Variants in RASGEF1C observed in about 807,000 individuals in gnomAD.
The protein encoded by RASGEF1C is ras-GEF domain-containing family member 1C.
A neutral mutation model predicts 58.1 loss-of-function variants in RASGEF1C; 27 were observed. The observed-to-expected ratio is 0.46, with a 90% CI of 0.34 to 0.64. The LOEUF (loss-of-function observed/expected upper bound fraction) is 0.64. Ranked by LOEUF, RASGEF1C falls within the 30% of genes least tolerant of loss-of-function variation. RASGEF1C has a pLI of 0.01. For missense variants in RASGEF1C, 502 were observed against 605.1 expected, an observed-to-expected ratio of 0.83 and a Z score of 1.79; for synonymous variants, 243 against 246.3, an observed-to-expected ratio of 0.99 and a Z score of 0.13.
At chr5:180,195,620 G>A (rs564685566) in intron 1 of RASGEF1C, among the ~76,000 whole-genome samples, 1 of 152,120 alleles carries the variant, frequency 6.6e-6, no homozygotes, top group African/African-American at 2.4e-5. Context: ...AAATTAGCTG[G>A]GCGCGGTGGC....
At chr5:180,126,320 C>T (rs566284681) in intron 6 of RASGEF1C, among the ~76,000 whole-genome samples, 33 of 152,066 alleles carry the variant, frequency 2.2e-4, no homozygotes, top group African/African-American at 4.3e-4. Flanking sequence ...GGCAGGAGAA[C>T]GGTGTGAACC....
At chr5:180,170,520 G>T (rs186627995) in intron 1 of RASGEF1C, among the ~76,000 whole-genome samples, 1 of 152,152 alleles carries the variant, frequency 6.6e-6, no homozygotes, top group African/African-American at 2.4e-5. Flanking sequence ...TCCAGCCCCC[G>T]CGCTACGCAG....
At chr5:180,111,013 A>G (rs1754368307) in intron 12 of RASGEF1C, among the ~76,000 whole-genome samples, 1 of 152,010 alleles carries the variant, frequency 6.6e-6, no homozygotes, top group South Asian at 2.1e-4. Context: ...ACGGGGTTTC[A>G]ACATGTTGGT....
chr5:180,149,696 C>T (rs1423207002), intron 1 of RASGEF1C, among the ~76,000 whole-genome samples: 1 of 152,014 alleles, frequency 6.6e-6, no homozygotes, highest in Non-Finnish European at 1.5e-5. Flanking sequence ...CCTCTCGATC[C>T]ACCCGCCTCG....
At chr5:180,108,862 C>T (rs1366347974) in intron 12 of RASGEF1C, among the ~76,000 whole-genome samples, 1 of 152,158 alleles carries the variant, frequency 6.6e-6, no homozygotes, top group African/African-American at 2.4e-5. Context: ...ACCTTACTTC[C>T]CTCCACTTTT....
chr5:180,176,780 T>A (rs1209100669), intron 1 of RASGEF1C, among the ~76,000 whole-genome samples: 7 of 152,010 alleles, frequency 4.6e-5, no homozygotes, highest in Non-Finnish European at 1.0e-4. Flanking sequence ...ATGGTCTCGA[T>A]CTCCTGACTT....
chr5:180,106,066 G>T (rs1047935549), intron 12 of RASGEF1C, among the ~76,000 whole-genome samples: 1 of 152,170 alleles, frequency 6.6e-6, no homozygotes. Context: ...TCAGAATGGT[G>T]CACAATTCAA....
In RASGEF1C at chr5:180,180,493, T is replaced by A. The variant is rs142102948; in HGVS notation, c.-7+28535A>T. Among the ~76,000 whole-genome samples the A allele has an allele frequency of 2.0e-5, 3 of 152,310 alleles. No individual in the cohort carries two copies. The East Asian group carries it at 5.8e-4, about 29-fold the overall frequency. ...GTACTTAACAATTTGCAGTCTGACA[T>A]GTGTGTACCTCACTTCACAGTTTGC... is the stretch of plus-strand genomic sequence containing the variant. On this transcript the variant is annotated intron_variant, in intron 1 of 13. Transcript: ENST00000361132.
At chr5:180,190,412 C>T (rs1429421881) in intron 1 of RASGEF1C, among the ~76,000 whole-genome samples, 2 of 147,574 alleles carry the variant, frequency 1.4e-5, no homozygotes, top group Non-Finnish European at 3.0e-5. Flanking sequence ...GTGGCGTGAA[C>T]CTGGGAGGCG....
chr5:180,101,941 G>A, intron 13 of RASGEF1C, 130 bp downstream of exon 13: 1 of 686,184 alleles, frequency 1.5e-6, no homozygotes, highest in Non-Finnish European at 2.5e-6. Context: ...TGGTGAGCCG[G>A]GTATCTCTGA....
rs1286563715 is a variant in RASGEF1C at position 180,118,712 on chromosome 5, G to A, written c.988-8C>T. 1 of 1,614,218 alleles carries A rather than the reference G, an allele frequency of 6.2e-7. No homozygotes were observed. Among genetic ancestry groups the A allele is most frequent in the Admixed American group, 1.7e-5 (1 of 60,032 alleles). ...CGTTGGGTCCATCTGGTGCTGGAAG[G>A]AGACAGGGAGGCATGTGGGCAGTTC... is the stretch of plus-strand genomic sequence containing the variant. On this transcript the variant is annotated splice_region_variant and splice_polypyrimidine_tract_variant and intron_variant, in intron 9 of 13. Transcript: ENST00000361132.
intron 12 of RASGEF1C, among the ~76,000 whole-genome samples, chr5:180,104,504 T>C (rs1469792084): frequency 6.6e-6 from 1 of 152,202 alleles, no homozygotes; most frequent in African/African-American, 2.4e-5. Context: ...TGTAGATATA[T>C]ATATATAAAC....
At chr5:180,176,922 G>A (rs963458597) in intron 1 of RASGEF1C, among the ~76,000 whole-genome samples, 1 of 152,180 alleles carries the variant, frequency 6.6e-6, no homozygotes, top group Non-Finnish European at 1.5e-5. Context: ...TGACTGCTGC[G>A]TGGTGCCAGC....
intron 4 of RASGEF1C, among the ~76,000 whole-genome samples, chr5:180,133,229 C>G (rs1015583300): frequency 6.6e-6 from 1 of 152,222 alleles, no homozygotes; most frequent in African/African-American, 2.4e-5. Flanking sequence ...GCTGGGAAGG[C>G]TTCCCGGGAC....
At position 180,138,036 on chromosome 5, in the gene RASGEF1C, C is replaced by T. The variant is rs767824104; in HGVS notation, c.17G>A (p.Ser6Asn). The change falls in exon 2 of 14, where the codon AGT (serine) becomes AAT (asparagine). Residue 6 changes from serine (S) to asparagine (N), a missense_variant. Transcript: ENST00000361132. ...GCCTGGGGTGACCATGTCGGAGGCACTCAGCGTCTGTGGCATGTCTGCCTG... is the reference window on the plus strand; with the variant it reads ...GCCTGGGGTGACCATGTCGGAGGCATTCAGCGTCTGTGGCATGTCTGCCTG... Reference protein sequence around the residue: MPQTLSASDMVTPGSL... With the variant: MPQTLNASDMVTPGSL... 2 of 1,519,144 alleles carry T rather than the reference C, an allele frequency of 1.3e-6. No individual in the cohort carries two copies. The highest frequency in any genetic ancestry group is 1.3e-5 in the South Asian group (1 of 77,198). The allele number at this position is 1,519,144 out of a possible 1,614,324, so 94.1% of individuals were successfully genotyped here.
Position 180,198,139 on chromosome 5 carries a change from G to T in RASGEF1C, c.-7+10889C>A, listed in dbSNP as rs1756313349. Among the ~76,000 whole-genome samples the T allele has an allele frequency of 6.6e-6, 1 of 152,200 alleles. No individual in the cohort carries two copies. Among genetic ancestry groups the T allele is most frequent in the South Asian group, 2.1e-4 (1 of 4,828 alleles). On this transcript the variant is annotated intron_variant, in intron 1 of 13. Coordinates refer to ENST00000361132, the MANE Select transcript of RASGEF1C (RefSeq NM_175062.4). The surrounding 1 kb of genome is among the most constrained non-coding windows in gnomAD (Gnocchi z 4.5). ...CAGTTTGGGGCACCATTGGTGGCAG[G>T]ACCCTGGGCAGTAAGGCCCTAAGGA...
At chr5:180,108,450 C>T (rs1054635809) in intron 12 of RASGEF1C, among the ~76,000 whole-genome samples, 1 of 152,130 alleles carries the variant, frequency 6.6e-6, no homozygotes, top group Non-Finnish European at 1.5e-5. Context: ...ATCTGCCTGC[C>T]TCAGCCTCCC....
chr5:180,170,922 G>T (rs929102960), intron 1 of RASGEF1C, among the ~76,000 whole-genome samples: 1 of 152,198 alleles, frequency 6.6e-6, no homozygotes, highest in Non-Finnish European at 1.5e-5. Flanking sequence ...TCCCCACCTT[G>T]CCCTGGGGGC....
At chr5:180,194,816 C>G (rs1443612809) in intron 1 of RASGEF1C, among the ~76,000 whole-genome samples, 1 of 152,248 alleles carries the variant, frequency 6.6e-6, no homozygotes, top group Non-Finnish European at 1.5e-5. Context: ...AACCAGCCCT[C>G]TCTCCCCAGC....
Sources: gnomAD v4.1 joint callset for allele counts (sites outside exome capture counted in the v4.1 genomes callset) on GRCh38, gnomAD v4.1.1 for gene constraint, Gnocchi (gnomAD v3.1) non-coding constraint, MANE v1.5 for transcripts, NCBI Gene and HGNC (gene_info 2026-07-23, HGNC 2026-07-21) for gene names.